DTNB: variants seen among roughly 807,000 people sequenced by gnomAD.
DTNB encodes DTN-B.
Under a neutral mutation model 90.7 loss-of-function variants are expected in DTNB, and 63 were observed. The ratio of observed to expected loss-of-function variants is 0.69; its 90% CI spans 0.57 to 0.86. DTNB has a LOEUF of 0.86. Ranked by LOEUF, DTNB falls within the 40% of genes least tolerant of loss-of-function variation. The probability of loss-of-function intolerance (pLI) is 0.00; values close to 1 mark genes in which losing one functional copy is unlikely to be tolerated. For synonymous variants in DTNB, 277 were observed against 286.7 expected (o/e 0.97, Z 0.34); for missense variants, 744 against 807.1 (o/e 0.92, Z 0.95).
At chr2:25,626,093 T>C (rs2074095211) in intron 4 of DTNB, among the ~76,000 whole-genome samples, 1 of 152,218 alleles carries the variant, frequency 6.6e-6, no homozygotes, top group South Asian at 2.1e-4. Context: ...GTCCAGTTCA[T>C]GGCATTTTGT....
At chr2:25,435,173 C>G (rs2055290569) in intron 12 of DTNB, among the ~76,000 whole-genome samples, 1 of 152,170 alleles carries the variant, frequency 6.6e-6, no homozygotes, top group Admixed American at 6.5e-5. Flanking sequence ...GTGTGCACCA[C>G]CATGCTCAGC....
intron 16 of DTNB, chr2:25,388,650 C>T (rs1156916537): frequency 5.9e-6 from 2 of 340,732 alleles, no homozygotes; most frequent in African/African-American, 4.3e-5. Flanking sequence ...GAGTGAGCTG[C>T]GTGACTGGGC....
chr2:25,548,706 G>C (rs1005791722), intron 8 of DTNB, among the ~76,000 whole-genome samples: 1 of 152,176 alleles, frequency 6.6e-6, no homozygotes, highest in Non-Finnish European at 1.5e-5. Context: ...CTATGCCACT[G>C]TAAGGACTGT....
rs143508090 is a variant in DTNB at position 25,425,807 on chromosome 2, C to G, written c.1554+1728G>C. Among the ~76,000 whole-genome samples the G allele has an allele frequency of 6.4e-3, 973 of 152,300 alleles. 8 individuals carry two copies. The highest frequency in any genetic ancestry group is 0.017 in the Middle Eastern group (5 of 294). On this transcript the variant is annotated intron_variant, in intron 15 of 20. Transcript: ENST00000406818. ...TATCCTGGTATTGCTGCTATGTAACCAGGTAGATATTTCTGTTCGATGCCA... is the reference window on the plus strand; with the variant it reads ...TATCCTGGTATTGCTGCTATGTAACGAGGTAGATATTTCTGTTCGATGCCA...
chr2:25,612,834 T>C (rs2068998581), intron 4 of DTNB, among the ~76,000 whole-genome samples: 1 of 152,154 alleles, frequency 6.6e-6, no homozygotes. Flanking sequence ...ATATACAGAC[T>C]ACTCCTTGAA....
At chr2:25,418,953 C>T (rs1219583542) in intron 16 of DTNB, 1 of 154,990 alleles carries the variant, frequency 6.5e-6, no homozygotes, top group Non-Finnish European at 1.4e-5. Context: ...AATAGCCACA[C>T]AGCTCAGAAA....
chr2:25,485,057 A>G (rs2065850388), intron 9 of DTNB, among the ~76,000 whole-genome samples: 3 of 152,256 alleles, frequency 2.0e-5, no homozygotes, highest in African/African-American at 4.8e-5. Context: ...TGGTCCTGGA[A>G]ATAGAATGGG....
chr2:25,385,807 A>G (rs2039315199), intron 18 of DTNB, among the ~76,000 whole-genome samples: 1 of 152,188 alleles, frequency 6.6e-6, no homozygotes, highest in Non-Finnish European at 1.5e-5. Flanking sequence ...TTGTGAAGCT[A>G]TTTGGTCTCT....
intron 16 of DTNB, chr2:25,419,267 C>T: frequency 1.7e-6 from 1 of 588,550 alleles, no homozygotes; most frequent in Non-Finnish European, 3.0e-6. Context: ...TAATCATGCA[C>T]ACTTCAATGC....
chr2:25,441,752 A>T (rs1476415409), intron 12 of DTNB, among the ~76,000 whole-genome samples: 2 of 152,246 alleles, frequency 1.3e-5, no homozygotes, highest in Non-Finnish European at 2.9e-5. Flanking sequence ...TCTGTATCAA[A>T]TTCAAAGCCA....
At chr2:25,470,369 A>ATTTT (rs71397496) in intron 10 of DTNB, among the ~76,000 whole-genome samples, 7 of 132,752 alleles carry the variant, frequency 5.3e-5, no homozygotes, top group Non-Finnish European at 8.1e-5. Context: ...TTACACGACA[A>ATTTT]TTTTTTTTTT....
At chr2:25,386,399 C>G (rs2039479619) in intron 18 of DTNB, among the ~76,000 whole-genome samples, 2 of 152,164 alleles carry the variant, frequency 1.3e-5, no homozygotes, top group Admixed American at 1.3e-4. Context: ...ATTTAATAAT[C>G]CTGTTAAGCT....
Position 25,656,999 on chromosome 2 carries a change from C to T in DTNB, c.-1-4338G>A, listed in dbSNP as rs553789516. On this transcript the variant is annotated intron_variant, in intron 1 of 20. Coordinates refer to ENST00000406818, the MANE Select transcript of DTNB (RefSeq NM_021907.5). ...GACCAGCCTGGCCAACATGGTGAAA[C>T]CCAGTCTCTACTAAAATACAAAAAA... Among the ~76,000 whole-genome samples, 133 of 152,046 alleles carry T rather than the reference C, an allele frequency of 8.7e-4. 1 individual carries two copies. The highest frequency in any genetic ancestry group is 1.2e-3 in the Admixed American group (18 of 15,266).
At chr2:25,486,855 C>A (rs944959993) in intron 9 of DTNB, among the ~76,000 whole-genome samples, 1 of 152,098 alleles carries the variant, frequency 6.6e-6, no homozygotes, top group Admixed American at 6.6e-5. Flanking sequence ...ACCTTGAGCA[C>A]CAGATGTTCT....
chr2:25,638,300 A>G (rs1003265719), intron 3 of DTNB, among the ~76,000 whole-genome samples: 9 of 152,374 alleles, frequency 5.9e-5, no homozygotes, highest in Admixed American at 2.0e-4. Context: ...TGGCACATGT[A>G]TACATATGTA....
intron 9 of DTNB, among the ~76,000 whole-genome samples, chr2:25,495,739 C>G (rs1412247521): frequency 6.6e-6 from 1 of 152,056 alleles, no homozygotes; most frequent in African/African-American, 2.4e-5. Context: ...AACAAACAAG[C>G]AAAAACACCT....
At chr2:25,497,273 T>C (rs754902604) in intron 9 of DTNB, 1 of 152,176 alleles carries the variant, frequency 6.6e-6, no homozygotes, top group African/African-American at 2.4e-5. Flanking sequence ...GTACTGCTCA[T>C]TGGAAGCTTA....
chr2:25,653,666 C>G (rs1574079404), intron 1 of DTNB, among the ~76,000 whole-genome samples: 1 of 151,990 alleles, frequency 6.6e-6, no homozygotes, highest in Non-Finnish European at 1.5e-5. Flanking sequence ...CACGCACCAC[C>G]ACGCCTGGCT....
At chr2:25,489,223 A>C (rs1451020431) in intron 9 of DTNB, among the ~76,000 whole-genome samples, 2 of 152,216 alleles carry the variant, frequency 1.3e-5, no homozygotes, top group African/African-American at 4.8e-5. Context: ...AGGGTTTTAA[A>C]ATCATCTGTA....
Sources: allele counts gnomAD v4.1 joint callset (sites outside exome capture counted in the v4.1 genomes callset), GRCh38; gene constraint gnomAD v4.1.1; transcripts MANE v1.5; gene names NCBI Gene and HGNC (gene_info 2026-07-23, HGNC 2026-07-21).